The following SEMA5A variants were observed in gnomAD, a reference collection of about 807,000 sequenced individuals.
SEMA5A encodes the protein semaphorin 5A, also known as semaphorin-5A.
A neutral mutation model predicts 135.5 loss-of-function variants in SEMA5A; 55 were observed. The observed-to-expected ratio is 0.41, with a 90% confidence interval of 0.33 to 0.51. The LOEUF is 0.51. Ranked by LOEUF, SEMA5A falls within the 20% of genes least tolerant of loss-of-function variation. SEMA5A has a pLI of 0.37. For missense variants in SEMA5A, 1,290 were observed against 1,419.9 expected, an observed-to-expected ratio of 0.91 and a Z score of 1.47; for synonymous variants, 580 against 546.5, an observed-to-expected ratio of 1.06 and a Z score of -0.85.
At chr5:9,320,572 G>A (rs1043225630) in intron 4 of SEMA5A, among the ~76,000 whole-genome samples, 8 of 152,112 alleles carry the variant, frequency 5.3e-5, no homozygotes, top group African/African-American at 1.9e-4. Flanking sequence ...ACAAAAATTA[G>A]TCAGGTGGCA....
intron 2 of SEMA5A, chr5:9,380,315 C>A (rs914360907): frequency 2.1e-5 from 4 of 190,012 alleles, no homozygotes; most frequent in Admixed American, 1.1e-4. Flanking sequence ...ACTGTCGTCA[C>A]ACTCACTCCT....
intron 2 of SEMA5A, among the ~76,000 whole-genome samples, chr5:9,430,995 A>G (rs147982538): frequency 3.3e-4 from 51 of 152,280 alleles, no homozygotes; most frequent in African/African-American, 9.4e-4. Flanking sequence ...AAAGCTGATT[A>G]TGTAGGAAAG....
rs1295152411 is a variant in SEMA5A at position 9,120,396 on chromosome 5, T to G, written c.1782-1255A>C. 2.6e-5 allele frequency among the ~76,000 whole-genome samples: 4 copies of G among 152,154 alleles called. No individual in the cohort carries two copies. The East Asian group carries it at 7.7e-4, about 29-fold the overall frequency. ...CAAATAAAAATTTTTCTGAGAAAAT[T>G]CTTAGAATATTTCATGTTTTCCTAC... On this transcript the variant is annotated intron_variant, in intron 14 of 22. Transcript: ENST00000382496.
chr5:9,060,686 T>G (rs958828541), intron 18 of SEMA5A, among the ~76,000 whole-genome samples: 1 of 152,164 alleles, frequency 6.6e-6, no homozygotes, highest in African/African-American at 2.4e-5. Context: ...AGAGACACCC[T>G]AGGAGGAGCC....
At chr5:9,080,244 C>T (rs13175728) in intron 16 of SEMA5A, among the ~76,000 whole-genome samples, 110,780 of 152,024 alleles carry the variant, frequency 0.73, 41,267 homozygotes, top group East Asian at 0.95. Context: ...TCATGTCCTT[C>T]GCAGAGACTT....
intron 2 of SEMA5A, among the ~76,000 whole-genome samples, chr5:9,399,168 T>TC (rs1756537996): frequency 6.6e-6 from 1 of 152,198 alleles, no homozygotes; most frequent in Non-Finnish European, 1.5e-5. Context: ...GCACTATTGA[T>TC]AATAGTCTAA....
chr5:9,154,540 C>A lies in SEMA5A; in HGVS notation c.1429G>T (p.Glu477Ter). ...SQSVLFVGLR[E>*]HVVKIPLKRC... ...TTCAGGGGGATCTTGACCACGTGCTCCCGCAGGCCCACGAACAGGACACTC... is the reference window on the plus strand; with the variant it reads ...TTCAGGGGGATCTTGACCACGTGCTACCGCAGGCCCACGAACAGGACACTC... The change falls in exon 12 of 23, where the codon GAG becomes TAG. Residue 477 changes from glutamate (E) to a stop codon, truncating the protein, a stop_gained. Coordinates refer to ENST00000382496, the MANE Select transcript of SEMA5A (RefSeq NM_003966.3). LOFTEE classifies it high-confidence loss of function. 1 of 1,612,660 alleles carries A rather than the reference C, an allele frequency of 6.2e-7. No homozygotes were observed. Among genetic ancestry groups the A allele is most frequent in the Non-Finnish European group, 8.5e-7 (1 of 1,179,954 alleles).
At chr5:9,227,704 C>T (rs1747393517) in intron 6 of SEMA5A, among the ~76,000 whole-genome samples, 1 of 152,114 alleles carries the variant, frequency 6.6e-6, no homozygotes, top group South Asian at 2.1e-4. Flanking sequence ...GTGCCCGCCA[C>T]CACGCCCGGC....
chr5:9,250,715 T>A (rs1196604174), intron 5 of SEMA5A, among the ~76,000 whole-genome samples: 1 of 152,174 alleles, frequency 6.6e-6, no homozygotes, highest in Non-Finnish European at 1.5e-5. Context: ...CAATAATGAT[T>A]TATTTGTTTG....
At chr5:9,440,915 G>T (rs1176115336) in intron 1 of SEMA5A, among the ~76,000 whole-genome samples, 1 of 152,204 alleles carries the variant, frequency 6.6e-6, no homozygotes. Flanking sequence ...GATTACACTG[G>T]AAATAAAAAT....
chr5:9,429,474 G>A (rs1478890392), intron 2 of SEMA5A, among the ~76,000 whole-genome samples: 1 of 152,116 alleles, frequency 6.6e-6, no homozygotes, highest in African/African-American at 2.4e-5. Context: ...GAGAAGGCAG[G>A]GGCAGAAGTT....
intron 12 of SEMA5A, among the ~76,000 whole-genome samples, chr5:9,138,807 C>T (rs894366603): frequency 6.6e-6 from 1 of 152,176 alleles, no homozygotes; most frequent in Non-Finnish European, 1.5e-5. Context: ...ATTCTTATGC[C>T]TTTGCATCCT....
chr5:9,124,711 C>T (rs1337377927), intron 13 of SEMA5A, among the ~76,000 whole-genome samples: 2 of 152,134 alleles, frequency 1.3e-5, no homozygotes, highest in African/African-American at 2.4e-5. Flanking sequence ...TCTCCTTGGC[C>T]TCTCAAAGTG....
In SEMA5A at chr5:9,499,175, A is replaced by G. The variant is rs549126398; in HGVS notation, c.-175+46409T>C. ...TGAAATGGTTAACTGGCCCCTAGAG[A>G]CACTCTTCACAATAATCCAAGTCCT... On this transcript the variant is annotated intron_variant, in intron 1 of 22. Coordinates refer to ENST00000382496, the MANE Select transcript of SEMA5A (RefSeq NM_003966.3). 5.3e-5 allele frequency among the ~76,000 whole-genome samples: 8 copies of G among 152,310 alleles called. No homozygotes were observed. In the South Asian group the frequency reaches 1.7e-3, roughly 32 times the overall value.
intron 12 of SEMA5A, among the ~76,000 whole-genome samples, chr5:9,148,868 C>T (rs750891183): frequency 2.0e-5 from 3 of 152,116 alleles, no homozygotes; most frequent in Admixed American, 1.3e-4. Context: ...TTCAGGCATG[C>T]GCTACCATGT....
chr5:9,307,376 T>A (rs1326044192), intron 5 of SEMA5A, among the ~76,000 whole-genome samples: 2 of 152,174 alleles, frequency 1.3e-5, no homozygotes, highest in African/African-American at 2.4e-5. Context: ...ACTCTACCCA[T>A]CTCTGTGACA....
At chr5:9,073,473 T>C (rs1053209894) in intron 16 of SEMA5A, among the ~76,000 whole-genome samples, 4 of 152,118 alleles carry the variant, frequency 2.6e-5, no homozygotes, top group African/African-American at 9.7e-5. Flanking sequence ...ATGAAGGATA[T>C]CTATTAAAAA....
intron 5 of SEMA5A, among the ~76,000 whole-genome samples, chr5:9,311,329 C>T (rs936793861): frequency 6.6e-6 from 1 of 151,916 alleles, no homozygotes; most frequent in Non-Finnish European, 1.5e-5. Context: ...AATTGACTCA[C>T]GTTGAAACTC....
At chr5:9,075,176 A>G (rs1416629906) in intron 16 of SEMA5A, among the ~76,000 whole-genome samples, 3 of 152,268 alleles carry the variant, frequency 2.0e-5, no homozygotes, top group Non-Finnish European at 4.4e-5. Flanking sequence ...ACTGTTTTCT[A>G]TGCAGTAACT....
Sources: allele counts gnomAD v4.1 joint callset (sites outside exome capture counted in the v4.1 genomes callset), GRCh38; gene constraint gnomAD v4.1.1; transcripts MANE v1.5; gene names NCBI Gene and HGNC (gene_info 2026-07-23, HGNC 2026-07-21).